ARHGAP6: variants seen among roughly 807,000 people sequenced by gnomAD.
ARHGAP6 encodes the protein Rho GTPase activating protein 6.
ARHGAP6 carries 16 observed loss-of-function variants against 55.7 expected under a neutral mutation model. The ratio of observed to expected loss-of-function variants is 0.29; its 90% CI spans 0.19 to 0.44. ARHGAP6 has a LOEUF of 0.44. Among genes scored for constraint, ARHGAP6 ranks in the 20% least tolerant of loss-of-function variants. ARHGAP6 has a pLI of 1.00. For synonymous variants in ARHGAP6, 382 were observed against 360.9 expected, an observed-to-expected ratio of 1.06 and a Z score of -0.66; for missense variants, 698 against 808.9, an observed-to-expected ratio of 0.86 and a Z score of 1.66.
chrX:11,541,438 C>T (rs1321505097), intron 1 of ARHGAP6, among the ~76,000 whole-genome samples: 1 of 111,093 alleles, frequency 9.0e-6, no homozygotes, highest in Non-Finnish European at 1.9e-5. Flanking sequence ...ATTGGTTGGT[C>T]CACATAGGAA....
chrX:11,586,333 T>G (rs780236135), intron 1 of ARHGAP6, among the ~76,000 whole-genome samples: 69 of 112,214 alleles, frequency 6.1e-4, no homozygotes, highest in Admixed American at 1.3e-3. Flanking sequence ...TTCATTCATC[T>G]TGAGTTGATT....
At chrX:11,422,451 G>A (rs1336195921) in intron 1 of ARHGAP6, among the ~76,000 whole-genome samples, 1 of 111,611 alleles carries the variant, frequency 9.0e-6, no homozygotes, top group Admixed American at 9.5e-5. Context: ...GGAAGGTCAA[G>A]GTCATGGATG....
At chrX:11,545,948 G>T (rs2051207860) in intron 1 of ARHGAP6, among the ~76,000 whole-genome samples, 1 of 111,153 alleles carries the variant, frequency 9.0e-6, no homozygotes, top group South Asian at 3.8e-4. Context: ...ATCTGGATAT[G>T]CAAGAACGGA....
chrX:11,178,365 C>T, intron 7 of ARHGAP6, 117 bp from the exon 8 acceptor site: 1 of 849,531 alleles, frequency 1.2e-6, no homozygotes, highest in South Asian at 2.9e-5. Context: ...ATTCCCATTT[C>T]ATGCCTTCAC....
intron 1 of ARHGAP6, chrX:11,351,443 GCTCTCCCCAGA>G (rs2048862839): frequency 1.0e-6 from 1 of 966,791 alleles, no homozygotes. Flanking sequence ...AACAGGGCAG[GCTCTCCCCAGA>G]CTTGAAGGCT....
intron 1 of ARHGAP6, among the ~76,000 whole-genome samples, chrX:11,291,228 A>G (rs780693229): frequency 8.9e-6 from 1 of 112,118 alleles, no homozygotes; most frequent in East Asian, 2.8e-4. Flanking sequence ...TCAAACAGAG[A>G]TCCATATTTT....
At chrX:11,432,463 C>G (rs976406449) in intron 1 of ARHGAP6, among the ~76,000 whole-genome samples, 14 of 112,171 alleles carry the variant, frequency 1.2e-4, no homozygotes, top group African/African-American at 4.2e-4. Flanking sequence ...AGGGTCCAAA[C>G]CCAGGAATAT....
intron 1 of ARHGAP6, among the ~76,000 whole-genome samples, chrX:11,572,810 G>A (rs1182109911): frequency 9.0e-6 from 1 of 111,563 alleles, no homozygotes; most frequent in Non-Finnish European, 1.9e-5. Flanking sequence ...CACCAACAGT[G>A]TAAAAGTGTT....
chrX:11,140,896 T>A (rs1390480160), intron 12 of ARHGAP6, among the ~76,000 whole-genome samples: 1 of 111,863 alleles, frequency 8.9e-6, no homozygotes, highest in Non-Finnish European at 1.9e-5. Flanking sequence ...CTCCACTTCT[T>A]AAAAAGCAGA....
intron 1 of ARHGAP6, among the ~76,000 whole-genome samples, chrX:11,314,565 C>T (rs1013466218): frequency 8.9e-6 from 1 of 112,173 alleles, no homozygotes; most frequent in African/African-American, 3.2e-5. Context: ...AAAGGGAAAA[C>T]ATTTTGCTAA....
intron 1 of ARHGAP6, among the ~76,000 whole-genome samples, chrX:11,361,823 C>G (rs1484270398): frequency 8.9e-6 from 1 of 111,944 alleles, no homozygotes; most frequent in Non-Finnish European, 1.9e-5. Context: ...AAACGACCAA[C>G]CCCATCAAAA....
At chrX:11,229,021 GAT>G (rs1335003450) in intron 2 of ARHGAP6, among the ~76,000 whole-genome samples, 2 of 112,290 alleles carry the variant, frequency 1.8e-5, no homozygotes, top group Non-Finnish European at 3.8e-5. Flanking sequence ...TAACATTAAA[GAT>G]AATTTAGTTT....
chrX:11,193,335 T>C (rs1478946786), intron 3 of ARHGAP6, among the ~76,000 whole-genome samples: 2 of 112,692 alleles, frequency 1.8e-5, no homozygotes, highest in African/African-American at 6.4e-5. Context: ...TGATCGTTTT[T>C]CACATGTGCA....
intron 1 of ARHGAP6, among the ~76,000 whole-genome samples, chrX:11,344,678 C>CAAAAAAAAAAAAAAAAAA (rs34123570): frequency 2.0e-3 from 56 of 28,274 alleles, no homozygotes; most frequent in South Asian, 4.0e-3. Context: ...AACTCCATCA[C>CAAAAAAAAAAAAAAAAAA]AAAAAAAAAA....
intron 2 of ARHGAP6, among the ~76,000 whole-genome samples, chrX:11,209,228 G>C (rs764946434): frequency 8.9e-6 from 1 of 112,323 alleles, no homozygotes; most frequent in South Asian, 3.7e-4. Flanking sequence ...TGCAACCTCT[G>C]CCTCCTGGGT....
chrX:11,268,440 C>A (rs1460124976), intron 1 of ARHGAP6, among the ~76,000 whole-genome samples: 2 of 111,979 alleles, frequency 1.8e-5, no homozygotes, highest in Admixed American at 9.5e-5. Flanking sequence ...TTCACTGCCT[C>A]CAACAATTTC....
rs760656501 is a variant in ARHGAP6, at chrX:11,554,343, C to G, written c.588+109898G>C. Among the ~76,000 whole-genome samples, 12 of 111,732 alleles carry G rather than the reference C, an allele frequency of 1.1e-4. No individual in the cohort carries two copies. The South Asian group carries it at 4.5e-3, about 42-fold the overall frequency. ...AGGTTGGTTCATGTGTGCAAACATACAGTTAGATAGAGAGAATAAGTTCTA... is the reference window on the plus strand; with the variant it reads ...AGGTTGGTTCATGTGTGCAAACATAGAGTTAGATAGAGAGAATAAGTTCTA... On this transcript the variant is annotated intron_variant, in intron 1 of 12. Coordinates refer to ENST00000337414, the MANE Select transcript of ARHGAP6 (RefSeq NM_013427.3).
intron 1 of ARHGAP6, among the ~76,000 whole-genome samples, chrX:11,344,213 C>T (rs2048742357): frequency 1.8e-5 from 2 of 111,052 alleles, no homozygotes; most frequent in Non-Finnish European, 3.8e-5. Flanking sequence ...TGGCAGCATC[C>T]CTGGTCTCTA....
chrX:11,312,674 T>G (rs1001620606), intron 1 of ARHGAP6, among the ~76,000 whole-genome samples: 1 of 111,889 alleles, frequency 8.9e-6, no homozygotes, highest in African/African-American at 3.3e-5. Context: ...GCTTAATCAG[T>G]GTTGTTGTGG....
Sources: gnomAD v4.1 joint callset for allele counts (sites outside exome capture counted in the v4.1 genomes callset) on GRCh38, gnomAD v4.1.1 for gene constraint, MANE v1.5 for transcripts, NCBI Gene and HGNC (gene_info 2026-07-23, HGNC 2026-07-21) for gene names.